Variants in GABRG3 observed in about 807,000 individuals in gnomAD.
GABRG3 encodes the protein gamma-aminobutyric acid receptor subunit gamma-3.
In GABRG3, 25 loss-of-function variants were observed where a neutral mutation model predicts 48.8. The ratio of observed to expected loss-of-function variants is 0.51; its 90% CI spans 0.37 to 0.72. GABRG3 has a LOEUF of 0.72. Among genes scored for constraint, GABRG3 ranks in the 30% least tolerant of loss-of-function variants. GABRG3 has a pLI of 0.00. For missense variants in GABRG3, 394 were observed against 577.9 expected (o/e 0.68, Z 3.26); for synonymous variants, 227 against 217.6 (o/e 1.04, Z -0.38).
intron 9 of GABRG3, among the ~76,000 whole-genome samples, chr15:27,528,743 AT>A (rs1486421205): frequency 4.6e-5 from 7 of 151,978 alleles, no homozygotes; most frequent in African/African-American, 1.7e-4. Context: ...TTGCATTTCC[AT>A]TTTTGGGAAT....
At chr15:27,254,047 A>G (rs1456939885) in intron 3 of GABRG3, among the ~76,000 whole-genome samples, 2 of 152,232 alleles carry the variant, frequency 1.3e-5, no homozygotes, top group Non-Finnish European at 2.9e-5. Flanking sequence ...ATTACTGACT[A>G]TAATAACCTT....
At chr15:27,524,766 T>G (rs1351646385) in intron 7 of GABRG3, among the ~76,000 whole-genome samples, 1 of 151,866 alleles carries the variant, frequency 6.6e-6, no homozygotes, top group East Asian at 1.9e-4. Flanking sequence ...TATGTTGAGA[T>G]AACCCATGGG....
At chr15:27,104,241 A>G (rs1897410839) in intron 3 of GABRG3, among the ~76,000 whole-genome samples, 1 of 152,240 alleles carries the variant, frequency 6.6e-6, no homozygotes, top group Admixed American at 6.5e-5. Context: ...TTATTTCTAT[A>G]TCACGTTTTC....
At chr15:27,071,650 G>A (rs911696540) in intron 3 of GABRG3, among the ~76,000 whole-genome samples, 3 of 152,226 alleles carry the variant, frequency 2.0e-5, no homozygotes, top group Non-Finnish European at 4.4e-5. Context: ...GCTGTAGTAC[G>A]GTGAGGCTGG....
In GABRG3 at chr15:27,218,747, C is replaced by T. The variant is rs560673012; in HGVS notation, c.271-108062C>T. On this transcript the variant is annotated intron_variant, in intron 3 of 9. Coordinates refer to ENST00000615808, the MANE Select transcript of GABRG3 (RefSeq NM_033223.5). ...AGGAAATGAGGTTTAGCATAGTGCTCGGGAGTCAGATGTCATTGATTTTGA... is the reference window on the plus strand; with the variant it reads ...AGGAAATGAGGTTTAGCATAGTGCTTGGGAGTCAGATGTCATTGATTTTGA... Among the ~76,000 whole-genome samples, 42 of 152,190 alleles carry T rather than the reference C, an allele frequency of 2.8e-4. 1 individual carries two copies. Among genetic ancestry groups the T allele is most frequent in the African/African-American group, 7.7e-4 (32 of 41,508 alleles).
chr15:27,359,311 T>C (rs1894946738), intron 5 of GABRG3, among the ~76,000 whole-genome samples: 3 of 152,256 alleles, frequency 2.0e-5, no homozygotes, highest in African/African-American at 7.2e-5. Context: ...TTGCTTAAAA[T>C]GTTATGTCAT....
At chr15:27,037,812 T>A (rs1896205239) in intron 3 of GABRG3, among the ~76,000 whole-genome samples, 1 of 152,178 alleles carries the variant, frequency 6.6e-6, no homozygotes, top group Non-Finnish European at 1.5e-5. Context: ...TTCCTTGAAA[T>A]GAAGGAGTCT....
At chr15:27,161,725 G>T (rs1281006853) in intron 3 of GABRG3, among the ~76,000 whole-genome samples, 1 of 151,960 alleles carries the variant, frequency 6.6e-6, no homozygotes, top group Admixed American at 6.6e-5. Flanking sequence ...GTGGTATGAG[G>T]TAGGAGTTCA....
Position 27,206,320 on chromosome 15 carries a change from A to T in GABRG3, c.271-120489A>T, listed in dbSNP as rs530071452. On this transcript the variant is annotated intron_variant, in intron 3 of 9. Transcript: ENST00000615808. ...TAATTTCCTTCTTTACCCAAAAGTC[A>T]TTCGGGGTCAGATTATTTAATTTCC... is the stretch of plus-strand genomic sequence containing the variant. Among the ~76,000 whole-genome samples the T allele has an allele frequency of 1.1e-4, 17 of 152,310 alleles. No individual in the cohort carries two copies. The South Asian group carries it at 3.5e-3, about 32-fold the overall frequency.
At chr15:27,286,972 A>G (rs1184987383) in intron 3 of GABRG3, among the ~76,000 whole-genome samples, 1 of 152,210 alleles carries the variant, frequency 6.6e-6, no homozygotes, top group Non-Finnish European at 1.5e-5. Context: ...CCATGATATA[A>G]AGCTCCATGG....
At chr15:27,157,169 G>A (rs747547556) in intron 3 of GABRG3, among the ~76,000 whole-genome samples, 8 of 152,318 alleles carry the variant, frequency 5.3e-5, no homozygotes, top group Non-Finnish European at 1.2e-4. Flanking sequence ...ATTGCTGCAT[G>A]TCTGGAATGG....
intron 2 of GABRG3, among the ~76,000 whole-genome samples, chr15:26,983,380 A>G (rs1249784813): frequency 6.6e-6 from 1 of 152,118 alleles, no homozygotes; most frequent in Non-Finnish European, 1.5e-5. Context: ...TGATGGCGAG[A>G]GACAAAGAAG....
intron 3 of GABRG3, among the ~76,000 whole-genome samples, chr15:27,291,095 C>T (rs2140486423): frequency 6.6e-6 from 1 of 152,290 alleles, no homozygotes; most frequent in Non-Finnish European, 1.5e-5. Flanking sequence ...TTTCTTGTAA[C>T]ACCTCTTTCA....
chr15:27,103,774 CT>C (rs1897401280), intron 3 of GABRG3, among the ~76,000 whole-genome samples: 1 of 152,052 alleles, frequency 6.6e-6, no homozygotes, highest in African/African-American at 2.4e-5. Context: ...TCAAGGTGAC[CT>C]CAGAACTCTT....
intron 5 of GABRG3, among the ~76,000 whole-genome samples, chr15:27,354,393 C>T (rs1894766122): frequency 6.6e-6 from 1 of 152,266 alleles, no homozygotes. Flanking sequence ...GCAAATCCTT[C>T]GCCAACATTC....
chr15:27,233,516 T>G (rs71465220), intron 3 of GABRG3, among the ~76,000 whole-genome samples: 4,481 of 152,182 alleles, frequency 0.029, 101 homozygotes, highest in South Asian at 0.12. Flanking sequence ...GAAGGCCACC[T>G]TCTCCTTGTG....
intron 3 of GABRG3, among the ~76,000 whole-genome samples, chr15:27,248,149 T>C (rs1890324751): frequency 1.3e-5 from 2 of 152,216 alleles, no homozygotes; most frequent in East Asian, 1.9e-4. Flanking sequence ...CTAACTCTTA[T>C]TGTGGCTGTG....
intron 3 of GABRG3, among the ~76,000 whole-genome samples, chr15:27,060,454 A>G (rs1896625496): frequency 6.6e-6 from 1 of 152,206 alleles, no homozygotes; most frequent in Admixed American, 6.5e-5. Flanking sequence ...TGTCATTATC[A>G]CATGCTGCAA....
At position 27,326,993 on chromosome 15, in the gene GABRG3, G is replaced by A. The variant is rs895971260; in HGVS notation, c.455G>A (p.Arg152Gln). 9 of 1,613,794 alleles carry A rather than the reference G, an allele frequency of 5.6e-6. No individual in the cohort carries two copies. The highest frequency in any genetic ancestry group is 2.2e-5 in the South Asian group (2 of 91,086). ...HWITTPNQLLRIWNDGKILYT... is the reference protein window; with the variant it reads ...HWITTPNQLLQIWNDGKILYT... Reference sequence around the variant, plus strand: ...ATCACCACACCCAATCAGCTCCTCCGGATTTGGAATGACGGGAAAATCCTT... The same window carrying A: ...ATCACCACACCCAATCAGCTCCTCCAGATTTGGAATGACGGGAAAATCCTT... The change falls in exon 4 of 10, where the codon CGG (arginine) becomes CAG (glutamine). Residue 152 changes from arginine to glutamine, a missense_variant. Around this residue, in one of 3 missense-constraint regions of GABRG3, gnomAD observed 218 missense variants for 309.9 expected, o/e 0.70. Transcript: ENST00000615808.
Sources: allele counts gnomAD v4.1 joint callset (sites outside exome capture counted in the v4.1 genomes callset), GRCh38; gene constraint gnomAD v4.1.1; regional missense constraint gnomAD v4.1.1; transcripts MANE v1.5; gene names NCBI Gene and HGNC (gene_info 2026-07-23, HGNC 2026-07-21).